Variants in KCNH8 observed in about 807,000 individuals in gnomAD.
KCNH8 encodes the protein voltage-gated delayed rectifier potassium channel KCNH8.
Under a neutral mutation model 103.6 loss-of-function variants are expected in KCNH8, and 70 were observed. The ratio of observed to expected loss-of-function variants is 0.68; its 90% CI spans 0.56 to 0.82. KCNH8 has a LOEUF of 0.82. KCNH8 is among the 40% of genes least tolerant of loss of function. KCNH8 has a pLI of 0.00. For synonymous variants in KCNH8, 498 were observed against 489.4 expected, an observed-to-expected ratio of 1.02 and a Z score of -0.23; for missense variants, 1,217 against 1,329.9, an observed-to-expected ratio of 0.92 and a Z score of 1.32.
chr3:19,245,842 A>G (rs1231688132), intron 1 of KCNH8, among the ~76,000 whole-genome samples: 11 of 152,222 alleles, frequency 7.2e-5, no homozygotes, highest in African/African-American at 2.4e-4. Context: ...GCCTTTTGGC[A>G]GAGTCTTTAG....
At chr3:19,250,025 A>C (rs1308103756) in intron 1 of KCNH8, among the ~76,000 whole-genome samples, 2 of 152,208 alleles carry the variant, frequency 1.3e-5, no homozygotes, top group South Asian at 2.1e-4. Flanking sequence ...ACTTCAGTTC[A>C]GGATTCAAGA....
At chr3:19,231,745 C>T (rs185332655) in intron 1 of KCNH8, among the ~76,000 whole-genome samples, 8 of 152,270 alleles carry the variant, frequency 5.3e-5, no homozygotes, top group Admixed American at 3.9e-4. Context: ...ATTATTAGCT[C>T]TAATTTGGGA....
At chr3:19,448,152 C>T (rs764742186) in intron 8 of KCNH8, among the ~76,000 whole-genome samples, 3 of 151,974 alleles carry the variant, frequency 2.0e-5, no homozygotes, top group Non-Finnish European at 4.4e-5. Flanking sequence ...ATATACTAGG[C>T]ACTTTTTAAA....
chr3:19,275,344 C>T (rs578053626), intron 2 of KCNH8, among the ~76,000 whole-genome samples: 4 of 152,004 alleles, frequency 2.6e-5, no homozygotes, highest in South Asian at 4.2e-4. Context: ...TCCTTAGCCA[C>T]CACCCAGTTC....
intron 1 of KCNH8, among the ~76,000 whole-genome samples, chr3:19,241,324 G>T (rs747425382): frequency 6.6e-6 from 1 of 152,120 alleles, no homozygotes; most frequent in Non-Finnish European, 1.5e-5. Context: ...GAGATCATAC[G>T]ATTCAACTAC....
chr3:19,311,751 C>A (rs1376266143), intron 3 of KCNH8, among the ~76,000 whole-genome samples: 1 of 151,790 alleles, frequency 6.6e-6, no homozygotes, highest in South Asian at 2.1e-4. Context: ...GACACACAAC[C>A]CCATCAGAGC....
At chr3:19,159,861 A>G (rs1382440719) in intron 1 of KCNH8, among the ~76,000 whole-genome samples, 1 of 152,088 alleles carries the variant, frequency 6.6e-6, no homozygotes, top group African/African-American at 2.4e-5. Flanking sequence ...GCCTGAGGTT[A>G]CCAGCCCACA....
At chr3:19,363,086 C>T (rs1248354833) in intron 5 of KCNH8, among the ~76,000 whole-genome samples, 1 of 152,128 alleles carries the variant, frequency 6.6e-6, no homozygotes, top group Non-Finnish European at 1.5e-5. Context: ...ACACAAGTGT[C>T]TGAGGATTCA....
intron 7 of KCNH8, among the ~76,000 whole-genome samples, chr3:19,416,215 A>G (rs145667206): frequency 4.6e-4 from 70 of 152,168 alleles, no homozygotes; most frequent in African/African-American, 1.7e-3. Context: ...CTCAGTTTGT[A>G]CATATTCTTT....
At chr3:19,397,132 A>G (rs1358427907) in intron 7 of KCNH8, among the ~76,000 whole-genome samples, 1 of 151,896 alleles carries the variant, frequency 6.6e-6, no homozygotes, top group African/African-American at 2.4e-5. Flanking sequence ...TTATTTGTCA[A>G]TTAAAAAAAA....
intron 1 of KCNH8, among the ~76,000 whole-genome samples, chr3:19,212,708 C>A (rs1265962512): frequency 4.6e-5 from 7 of 152,082 alleles, no homozygotes; most frequent in Admixed American, 4.6e-4. Context: ...GGAGCTCTGG[C>A]AAAGATAATT....
At chr3:19,440,044 CAAACTT>C (rs1209110824) in intron 8 of KCNH8, among the ~76,000 whole-genome samples, 2 of 151,878 alleles carry the variant, frequency 1.3e-5, no homozygotes, top group East Asian at 1.9e-4. Context: ...CAGAAAGAAA[CAAACTT>C]AAAAAGAGTA....
chr3:19,308,694 CTCTCTCTCTCTCTCT>C (rs1559470027), intron 3 of KCNH8, among the ~76,000 whole-genome samples: 4 of 72,774 alleles, frequency 5.5e-5, no homozygotes, highest in African/African-American at 2.9e-4. Flanking sequence ...CTCTCTCTCT[CTCTCTCTCTCTCTCT>C]CTCTCTCTCC....
At chr3:19,483,747 G>T (rs2068139514) in intron 11 of KCNH8, among the ~76,000 whole-genome samples, 1 of 152,122 alleles carries the variant, frequency 6.6e-6, no homozygotes, top group Non-Finnish European at 1.5e-5. Context: ...TTTACTCAAG[G>T]ATCCAGTCTG....
chr3:19,158,396 A>T (rs1423803953), intron 1 of KCNH8, among the ~76,000 whole-genome samples: 1 of 151,404 alleles, frequency 6.6e-6, no homozygotes, highest in African/African-American at 2.4e-5. Flanking sequence ...TCATTCCATG[A>T]TTTTGTTCTC....
At chr3:19,470,338 ATC>A (rs1303218467) in intron 11 of KCNH8, among the ~76,000 whole-genome samples, 1 of 152,130 alleles carries the variant, frequency 6.6e-6, no homozygotes, top group East Asian at 1.9e-4. Flanking sequence ...TCTAAACATT[ATC>A]TCTCTGTTTC....
intron 1 of KCNH8, among the ~76,000 whole-genome samples, chr3:19,189,361 TAA>T (rs894204443): frequency 3.9e-4 from 60 of 152,182 alleles, no homozygotes; most frequent in African/African-American, 1.4e-3. Flanking sequence ...CAAATTCTTT[TAA>T]AAGTCAAGTA....
chr3:19,337,051 TA>T (rs1375632581), intron 3 of KCNH8, among the ~76,000 whole-genome samples: 2 of 152,062 alleles, frequency 1.3e-5, no homozygotes, highest in Non-Finnish European at 2.9e-5. Flanking sequence ...CACAGATAAG[TA>T]AAAAAATCGG....
intron 1 of KCNH8, among the ~76,000 whole-genome samples, chr3:19,175,237 T>G (rs1341174045): frequency 6.6e-6 from 1 of 151,472 alleles, no homozygotes; most frequent in African/African-American, 2.4e-5. Flanking sequence ...TTTTTTTTTT[T>G]TTGAGACGGA....
Sources: allele counts gnomAD v4.1 joint callset (sites outside exome capture counted in the v4.1 genomes callset), GRCh38; gene constraint gnomAD v4.1.1; transcripts MANE v1.5; gene names NCBI Gene and HGNC (gene_info 2026-07-23, HGNC 2026-07-21).